Variants in GSN observed in about 807,000 individuals in gnomAD.
GSN encodes actin-depolymerizing factor.
GSN carries 56 observed loss-of-function variants against 85.7 expected under a neutral mutation model. That is an observed-to-expected ratio of 0.65 (90% CI 0.53 to 0.82). The LOEUF (loss-of-function observed/expected upper bound fraction) is 0.82, where lower values mean the gene tolerates loss of function less well. GSN is among the 40% of genes least tolerant of loss of function. GSN has a pLI of 0.00. For missense variants in GSN, 857 were observed against 979.8 expected (o/e 0.87, Z 1.67); for synonymous variants, 373 against 399.1 (o/e 0.93, Z 0.78).
chr9:121,287,464 G>A (rs1269825982), intron 2 of GSN, among the ~76,000 whole-genome samples: 7 of 152,152 alleles, frequency 4.6e-5, no homozygotes, highest in Non-Finnish European at 1.0e-4. Context: ...CAGACTCAGA[G>A]GCTAGGGGTG....
chr9:121,226,364 A>G (rs893218172), intron 4 of GSN, among the ~76,000 whole-genome samples: 7 of 152,236 alleles, frequency 4.6e-5, no homozygotes, highest in Non-Finnish European at 1.0e-4. Context: ...AATTGAAGGA[A>G]AGCTATGAGG....
chr9:121,282,654 A>G, intron 2 of GSN: 1 of 505,264 alleles, frequency 2.0e-6, no homozygotes, highest in East Asian at 3.5e-5. Flanking sequence ...ATCAGCGGCT[A>G]TCCAAAGGTT....
At chr9:121,301,625 CAAAAAA>C (rs753963979) in intron 2 of GSN, among the ~76,000 whole-genome samples, 8 of 56,002 alleles carry the variant, frequency 1.4e-4, no homozygotes, top group African/African-American at 4.3e-4. Context: ...GACTCTGTCT[CAAAAAA>C]AAAAAAAAAA....
At chr9:121,239,877 T>C (rs1041806414) in intron 5 of GSN, 6 of 189,850 alleles carry the variant, frequency 3.2e-5, no homozygotes, top group Non-Finnish European at 6.8e-5. Flanking sequence ...CAGTGGACAA[T>C]ATCAGCGTCT....
In GSN at chr9:121,332,804, T is replaced by TA; in HGVS notation, c.*201_*202insA. 1.7e-6 allele frequency: 1 copy of TA among 587,486 alleles called. No individual in the cohort carries two copies. Among genetic ancestry groups the TA allele is most frequent in the Non-Finnish European group, 3.0e-6 (1 of 330,956 alleles). 36.4% of individuals were successfully genotyped at this position (587,486 alleles called of 1,614,324 possible). On this transcript the variant is annotated 3_prime_UTR_variant, in exon 18 of 18. Transcript: ENST00000432226. This position sits in a 1 kb window ranked among gnomAD's most constrained non-coding sequence, Gnocchi z 4.8. Reference sequence around the variant, plus strand: ...TGCAAAATTGTCTAAAATGTCAGTGTTTGGGAAATTAAATCCAATAAAAAC... The same window carrying TA: ...TGCAAAATTGTCTAAAATGTCAGTGTATTGGGAAATTAAATCCAATAAAAAC...
At chr9:121,327,584 A>T in intron 14 of GSN, 102 bp downstream of exon 14, 1 of 910,054 alleles carries the variant, frequency 1.1e-6, no homozygotes. Context: ...CCTCCATCCC[A>T]CCTGAGGGCC....
chr9:121,259,808 A>G (rs775270927), intron 6 of GSN, among the ~76,000 whole-genome samples: 47 of 152,222 alleles, frequency 3.1e-4, no homozygotes, highest in Non-Finnish European at 6.0e-4. Context: ...TTATGCCATG[A>G]TCAAGTAGTA....
intron 2 of GSN, among the ~76,000 whole-genome samples, chr9:121,300,537 T>A (rs940459830): frequency 7.2e-5 from 11 of 152,160 alleles, no homozygotes; most frequent in Admixed American, 5.2e-4. Flanking sequence ...ACCTTGTTTC[T>A]CTGACTTCTC....
chr9:121,325,578 G>C (rs1355676678), intron 12 of GSN, among the ~76,000 whole-genome samples: 1 of 152,112 alleles, frequency 6.6e-6, no homozygotes, highest in Non-Finnish European at 1.5e-5. Flanking sequence ...AGTCACTCTG[G>C]CCAGGCGCTG....
At chr9:121,276,538 C>G (rs1220667939) in intron 1 of GSN, among the ~76,000 whole-genome samples, 1 of 152,078 alleles carries the variant, frequency 6.6e-6, no homozygotes, top group Non-Finnish European at 1.5e-5. Context: ...GCATAGCGCA[C>G]CCCCCCGACT....
intron 2 of GSN, chr9:121,282,733 T>C (rs1369731376): frequency 7.3e-6 from 3 of 410,894 alleles, no homozygotes; most frequent in Non-Finnish European, 1.3e-5. Flanking sequence ...TTGGCTCTGA[T>C]GCATCTGCCT....
chr9:121,206,730 AAAG>A (rs927998686), upstream of GSN, among the ~76,000 whole-genome samples: 5 of 152,100 alleles, frequency 3.3e-5, no homozygotes, highest in East Asian at 7.7e-4. Context: ...GAAAAAAAAA[AAAG>A]AATGCATCTT....
chr9:121,316,252 A>G (rs1361462124), intron 7 of GSN, among the ~76,000 whole-genome samples: 1 of 152,248 alleles, frequency 6.6e-6, no homozygotes, highest in Non-Finnish European at 1.5e-5. Context: ...TTGTAAAGAT[A>G]GTACAAAGAG....
chr9:121,319,287 G>A (rs1020186117), intron 10 of GSN, among the ~76,000 whole-genome samples: 3 of 151,904 alleles, frequency 2.0e-5, no homozygotes, highest in Admixed American at 6.5e-5. Flanking sequence ...AGCGGAGAGT[G>A]ATGGGCATTC....
At chr9:121,280,355 G>A (rs555449003) in intron 1 of GSN, 2 of 152,350 alleles carry the variant, frequency 1.3e-5, no homozygotes, top group South Asian at 4.1e-4. Context: ...TATGTCCACT[G>A]GCACTGCCAT....
At chr9:121,289,763 G>A (rs771867827) in intron 2 of GSN, among the ~76,000 whole-genome samples, 2 of 152,198 alleles carry the variant, frequency 1.3e-5, no homozygotes, top group Non-Finnish European at 2.9e-5. Flanking sequence ...AGGTGAGGTT[G>A]TATAGAGGTG....
chr9:121,282,335 G>C (rs545658295), intron 2 of GSN: 1 of 575,598 alleles, frequency 1.7e-6, no homozygotes, highest in African/African-American at 1.9e-5. Flanking sequence ...AGGGGGAATC[G>C]CCCAGCTTCC....
At chr9:121,240,455 C>T (rs142384360) in intron 5 of GSN, among the ~76,000 whole-genome samples, 216 of 152,282 alleles carry the variant, frequency 1.4e-3, no homozygotes, top group Admixed American at 3.8e-3. Context: ...TTGGGTGGCT[C>T]CTGGAACCAA....
At chr9:121,234,162 GC>G (rs34728869) in intron 5 of GSN, among the ~76,000 whole-genome samples, 60,211 of 151,976 alleles carry the variant, frequency 0.4, 13,931 homozygotes, top group East Asian at 0.62. Context: ...ACCACATGTG[GC>G]TTCTTCTTGT....
Sources: gnomAD v4.1 joint callset for allele counts (sites outside exome capture counted in the v4.1 genomes callset) on GRCh38, gnomAD v4.1.1 for gene constraint, Gnocchi (gnomAD v3.1) non-coding constraint, MANE v1.5 for transcripts, NCBI Gene and HGNC (gene_info 2026-07-23, HGNC 2026-07-21) for gene names.